Variants in ADPRHL1 observed in about 807,000 individuals in gnomAD.
ADPRHL1 encodes ADP-ribosylhydrolase like 1.
Under a neutral mutation model 44.1 loss-of-function variants are expected in ADPRHL1, and 43 were observed. The ratio of observed to expected loss-of-function variants is 0.98; its 90% CI spans 0.76 to 1.26. The LOEUF (loss-of-function observed/expected upper bound fraction) is 1.26, where lower values mean the gene tolerates loss of function less well. Among genes scored for constraint, ADPRHL1 ranks in the 50% most tolerant of loss-of-function variants. The probability of loss-of-function intolerance (pLI) is 0.00; values close to 1 mark genes in which losing one functional copy is unlikely to be tolerated. For synonymous variants in ADPRHL1, 878 were observed against 1,017.4 expected, an observed-to-expected ratio of 0.86 and a Z score of 2.61; for missense variants, 2,022 against 2,496.9, an observed-to-expected ratio of 0.81 and a Z score of 4.05.
chr13:113,424,257 GT>G lies in ADPRHL1; in HGVS notation c.866del (p.Asn289ThrfsTer84). ...CCCGGTGACACAGCTCAGTCCAGCT[GT>G]TTCCTGCTGCAAGGAGGGCGTCATA... ...IAYDALLAAG[N>X]SWTELCHRAM... On this transcript the variant is annotated frameshift_variant, in exon 6 of 8. Coordinates refer to ENST00000612156, the MANE Select transcript of ADPRHL1 (RefSeq NM_001394807.1). LOFTEE classifies it high-confidence loss of function. 1.9e-6 allele frequency: 3 copies of G among 1,612,948 alleles called. No individual in the cohort carries two copies. The highest frequency in any genetic ancestry group is 2.5e-6 in the Non-Finnish European group (3 of 1,179,918).
chr13:113,409,384 C>T lies in ADPRHL1; in HGVS notation c.1062-1164G>A. 1 of 985,356 alleles carries T rather than the reference C, an allele frequency of 1.0e-6. No individual in the cohort carries two copies. The highest frequency in any genetic ancestry group is 1.2e-6 in the Non-Finnish European group (1 of 829,918). 61.0% of individuals were successfully genotyped at this position (985,356 alleles called of 1,614,324 possible). A position where few individuals can be genotyped will look rare whatever the true frequency, so the allele number is the denominator to read the frequency against. ...TAGTCATTCATTCTAAGGAGATCAT[C>T]AGGGATGAGGAACAAAGACTCGAGT... On this transcript the variant is annotated intron_variant, in intron 7 of 7. Transcript: ENST00000612156. The surrounding 1 kb of genome is among the most constrained non-coding windows in gnomAD (Gnocchi z 4.2).
intron 4 of ADPRHL1, among the ~76,000 whole-genome samples, chr13:113,428,655 C>T (rs1045673947): frequency 2.6e-5 from 4 of 152,242 alleles, no homozygotes; most frequent in South Asian, 2.1e-4. Flanking sequence ...CTTGGTGCCG[C>T]GGGCTGGGGT....
rs1371937437 is a variant in ADPRHL1 at position 113,405,361 on chromosome 13, C to T, written c.3921G>A (p.Gly1307=). The change falls in exon 8 of 8, where the codon GGG becomes GGA. Residue 1307 remains glycine (G), a synonymous_variant. Transcript: ENST00000612156. ...KGREGVRFPR[G]AEPDHLLPAV... ...CGGGAAGCAGATGGTCAGGCTCCGCCCCACGGGGAAACCTGACGCCCTCCC... is the reference window on the plus strand; with the variant it reads ...CGGGAAGCAGATGGTCAGGCTCCGCTCCACGGGGAAACCTGACGCCCTCCC... 8.1e-7 allele frequency: 1 copy of T among 1,231,860 alleles called. No homozygotes were observed. Among genetic ancestry groups the T allele is most frequent in the African/African-American group, 1.5e-5 (1 of 64,556 alleles). The allele number at this position is 1,231,860 out of a possible 1,614,324, so 76.3% of individuals were successfully genotyped here.
rs9324238 is a variant in ADPRHL1, at chr13:113,401,853, G to C, written c.*1525C>G. 6.6e-6 allele frequency: 1 copy of C among 152,220 alleles called. No homozygotes were observed. 9.4% of individuals were successfully genotyped at this position (152,220 alleles called of 1,614,324 possible). A position where few individuals can be genotyped will look rare whatever the true frequency, so the allele number is the denominator to read the frequency against. On this transcript the variant is annotated 3_prime_UTR_variant, in exon 8 of 8. Transcript: ENST00000612156. The surrounding 1 kb of genome is among the most constrained non-coding windows in gnomAD (Gnocchi z 5.5). Reference sequence around the variant, plus strand: ...AGAGCCAAAGCCACTGGCGTCTGCCGGGATGGACCTTCCCTGGAAGGAGAG... The same window carrying C: ...AGAGCCAAAGCCACTGGCGTCTGCCCGGATGGACCTTCCCTGGAAGGAGAG...
intron 7 of ADPRHL1, among the ~76,000 whole-genome samples, chr13:113,412,194 T>C (rs1021309033): frequency 6.6e-6 from 1 of 152,190 alleles, no homozygotes; most frequent in Non-Finnish European, 1.5e-5. Flanking sequence ...TGCTTTTTTT[T>C]TGGGACGGAG....
chr13:113,429,021 C>T lies in ADPRHL1; in HGVS notation c.577G>A (p.Gly193Arg). 2 of 1,612,880 alleles carry T rather than the reference C, an allele frequency of 1.2e-6. No individual in the cohort carries two copies. Among genetic ancestry groups the T allele is most frequent in the Non-Finnish European group, 1.7e-6 (2 of 1,180,000 alleles). ...AAQGKPLVQW[G>R]RDMLRAVPLA... ...GGCACCGCCCGCAGCATGTCTCTCC[C>T]CCACTGGACCAGGGGCTTTCCTTGT... Residue 193 changes from glycine (G) to arginine (R), a missense_variant, in exon 4 of 8, where the codon GGG (glycine) becomes AGG (arginine). This residue lies in a region of ADPRHL1 where 437 missense variants were observed against 430.7 expected (regional missense o/e 1.01). Coordinates refer to ENST00000612156, the MANE Select transcript of ADPRHL1 (RefSeq NM_001394807.1).
chr13:113,439,444 ATTTTT>A (rs34104211), intron 2 of ADPRHL1, among the ~76,000 whole-genome samples: 1 of 137,864 alleles, frequency 7.3e-6, no homozygotes, highest in Non-Finnish European at 1.5e-5. Context: ...TTTTCTTTGT[ATTTTT>A]TTTTTTTTTT....
At chr13:113,423,298 AG>A (rs2043940359) in intron 6 of ADPRHL1, among the ~76,000 whole-genome samples, 1 of 152,056 alleles carries the variant, frequency 6.6e-6, no homozygotes, top group South Asian at 2.1e-4. Flanking sequence ...GGAGGGGGAC[AG>A]GCGCTTCCCT....
chr13:113,413,525 C>T (rs9603838), intron 7 of ADPRHL1, among the ~76,000 whole-genome samples: 48,055 of 152,196 alleles, frequency 0.32, 7,898 homozygotes, highest in Middle Eastern at 0.46. Context: ...GCGTGTCTCC[C>T]GAGGCGCCCT....
chr13:113,448,692 C>T (rs2044158995), intron 1 of ADPRHL1, among the ~76,000 whole-genome samples: 1 of 146,158 alleles, frequency 6.8e-6, no homozygotes, highest in Non-Finnish European at 1.5e-5. Context: ...TGACACCTCC[C>T]GCCATCCTGC....
intron 7 of ADPRHL1, chr13:113,422,611 G>T (rs2139616505): frequency 1.5e-6 from 1 of 656,576 alleles, no homozygotes; most frequent in Non-Finnish European, 2.5e-6. Flanking sequence ...CAATGTTGAT[G>T]GTGGAGGACG....
chr13:113,410,155 G>C, intron 7 of ADPRHL1: 18 of 984,322 alleles, frequency 1.8e-5, no homozygotes, highest in Non-Finnish European at 2.2e-5. Context: ...ACACGGAGGA[G>C]TGGCAGGGCC....
At chr13:113,411,235 A>G (rs1279831058) in intron 7 of ADPRHL1, among the ~76,000 whole-genome samples, 1 of 152,140 alleles carries the variant, frequency 6.6e-6, no homozygotes, top group African/African-American at 2.4e-5. Flanking sequence ...GCGAGCTTGG[A>G]TGAAGAGAGT....
chr13:113,418,997 TCCCTTCCTC>T (rs2043900333), intron 7 of ADPRHL1, among the ~76,000 whole-genome samples: 1 of 117,086 alleles, frequency 8.5e-6, no homozygotes, highest in African/African-American at 3.5e-5. Flanking sequence ...CCTCCCTCCC[TCCCTTCCTC>T]CCTCCCTTCC....
Position 113,403,573 on chromosome 13 carries a change from CT to C in ADPRHL1, c.5708del (p.Gln1903ArgfsTer53), listed in dbSNP as rs1327869345. On this transcript the variant is annotated frameshift_variant, in exon 8 of 8. Coordinates refer to ENST00000612156, the MANE Select transcript of ADPRHL1 (RefSeq NM_001394807.1). LOFTEE classifies it low-confidence loss of function (END_TRUNC). ...GGCGTPQAPA[Q>X]EGSPDHPGAE... ...CCCCAGGGTGGTCTGGGGACCCCTC[CT>C]GGGCCGGGGCCTGGGGAGTCCCGCA... is the stretch of plus-strand genomic sequence containing the variant. 8.1e-7 allele frequency: 1 copy of C among 1,231,658 alleles called. No homozygotes were observed. Among genetic ancestry groups the C allele is most frequent in the African/African-American group, 1.6e-5 (1 of 64,380 alleles). 76.3% of individuals were successfully genotyped at this position (1,231,658 alleles called of 1,614,324 possible). A position where few individuals can be genotyped will look rare whatever the true frequency, so the allele number is the denominator to read the frequency against.
In ADPRHL1 at chr13:113,399,933, C is replaced by T. The variant is rs577959480; in HGVS notation, c.*3445G>A. 6.0e-4 allele frequency: 91 copies of T among 151,816 alleles called. 1 individual carries two copies. The highest frequency in any genetic ancestry group is 2.1e-3 in the African/African-American group (85 of 41,446). 9.4% of individuals were successfully genotyped at this position (151,816 alleles called of 1,614,324 possible). On this transcript the variant is annotated 3_prime_UTR_variant, in exon 8 of 8. Coordinates refer to ENST00000612156, the MANE Select transcript of ADPRHL1 (RefSeq NM_001394807.1). Reference sequence around the variant, plus strand: ...CATGACCACATTCTCGTCGCCGTCTCGGGACCTTCCTGCCGCCTGAGTGCA... The same window carrying T: ...CATGACCACATTCTCGTCGCCGTCTTGGGACCTTCCTGCCGCCTGAGTGCA...
At position 113,405,932 on chromosome 13, in the gene ADPRHL1, G is replaced by A; in HGVS notation, c.3350C>T (p.Ala1117Val). 8.1e-7 allele frequency: 1 copy of A among 1,232,070 alleles called. No individual in the cohort carries two copies. Among genetic ancestry groups the A allele is most frequent in the Non-Finnish European group, 1.0e-6 (1 of 988,058 alleles). The allele number at this position is 1,232,070 out of a possible 1,614,324, so 76.3% of individuals were successfully genotyped here. A position where few individuals can be genotyped will look rare whatever the true frequency, so the allele number is the denominator to read the frequency against. The change falls in exon 8 of 8, where the codon GCA (alanine) becomes GTA (valine). Residue 1117 changes from alanine (A) to valine (V), a missense_variant. Ala to Val is a moderately conservative substitution (Grantham distance 64, BLOSUM62 0). Coordinates refer to ENST00000612156, the MANE Select transcript of ADPRHL1 (RefSeq NM_001394807.1). ...GMKACGAMAAAGSVASRATPA... is the reference protein window; with the variant it reads ...GMKACGAMAAVGSVASRATPA... ...CGTGGCGCGGCTCGCAACGCTCCCT[G>A]CAGCTGCCATCGCCCCACAGGCTTT...
At chr13:113,415,989 G>C (rs2043885500) in intron 7 of ADPRHL1, among the ~76,000 whole-genome samples, 1 of 151,924 alleles carries the variant, frequency 6.6e-6, no homozygotes, top group Admixed American at 6.6e-5. Context: ...AAAAATCCTG[G>C]AAGGCCAGGG....
At chr13:113,413,103 G>A (rs1233843358) in intron 7 of ADPRHL1, among the ~76,000 whole-genome samples, 1 of 124,290 alleles carries the variant, frequency 8.0e-6, no homozygotes, top group East Asian at 2.1e-4. Context: ...CGCAGAGCTC[G>A]GTTCACCCAC....
Sources: gnomAD v4.1 joint callset for allele counts (sites outside exome capture counted in the v4.1 genomes callset) on GRCh38, gnomAD v4.1.1 for gene constraint, gnomAD v4.1.1 regional missense constraint, Gnocchi (gnomAD v3.1) non-coding constraint, MANE v1.5 for transcripts, NCBI Gene and HGNC (gene_info 2026-07-23, HGNC 2026-07-21) for gene names.